The following LMOD3 variants were observed in gnomAD, a reference collection of about 807,000 sequenced individuals.
LMOD3 encodes the protein leiomodin 3.
A neutral mutation model predicts 41.8 loss-of-function variants in LMOD3; 31 were observed. The ratio of observed to expected loss-of-function variants is 0.74; its 90% CI spans 0.56 to 1.00. The LOEUF is 1.00. Among genes scored for constraint, LMOD3 ranks in the 50% least tolerant of loss-of-function variants. The pLI, the probability that LMOD3 is intolerant of heterozygous loss-of-function variation, is 0.00. For synonymous variants in LMOD3, 292 were observed against 241.9 expected, an observed-to-expected ratio of 1.21 and a Z score of -1.92; for missense variants, 755 against 679.5, an observed-to-expected ratio of 1.11 and a Z score of -1.23.
At chr3:69,114,634 A>T (rs2092363189) in intron 2 of LMOD3, among the ~76,000 whole-genome samples, 1 of 150,840 alleles carries the variant, frequency 6.6e-6, no homozygotes, top group Non-Finnish European at 1.5e-5. Context: ...CAGCCTCCCA[A>T]GTAGCTGGGA....
In LMOD3 at chr3:69,119,660, G is replaced by A. The variant is rs2107526596; in HGVS notation, c.695C>T (p.Thr232Ile). 6.2e-7 allele frequency: 1 copy of A among 1,613,890 alleles called. No individual in the cohort carries two copies. The highest frequency in any genetic ancestry group is 8.5e-7 in the Non-Finnish European group (1 of 1,179,880). Residue 232 changes from threonine (T) to isoleucine (I), a missense_variant, in exon 2 of 3, where the codon ACA becomes ATA. Thr to Ile is a moderately conservative substitution (Grantham distance 89). Coordinates refer to ENST00000420581, the MANE Select transcript of LMOD3 (RefSeq NM_198271.5). ...ALDTSFLKVS[T>I]RPSGNQTDLD... ...GTCTGTCTGGTTTCCTGAAGGCCTT[G>A]TACTTACCTTCAAAAAGCTGGTGTC... is the stretch of plus-strand genomic sequence containing the variant.
intron 1 of LMOD3, among the ~76,000 whole-genome samples, chr3:69,121,585 A>C (rs569480447): frequency 6.6e-6 from 1 of 152,340 alleles, no homozygotes; most frequent in African/African-American, 2.4e-5. Flanking sequence ...ACATAGTAAT[A>C]ATATAAGACA....
In LMOD3 at chr3:69,108,500, G is replaced by C. The variant is rs1459790327; in HGVS notation, c.*595C>G. 6.6e-6 allele frequency: 1 copy of C among 152,402 alleles called. No individual in the cohort carries two copies. The highest frequency in any genetic ancestry group is 6.6e-5 in the Admixed American group (1 of 15,254). 9.4% of individuals were successfully genotyped at this position (152,402 alleles called of 1,614,324 possible). A position where few individuals can be genotyped will look rare whatever the true frequency, so the allele number is the denominator to read the frequency against. On this transcript the variant is annotated 3_prime_UTR_variant, in exon 3 of 3. Transcript: ENST00000420581. ...TAGAAAGAATACTCCAAAACACCAA[G>C]GGAGTCACCAAGAGAGAAAGCCAGG... is the stretch of plus-strand genomic sequence containing the variant.
chr3:69,115,977 T>C (rs2092370547), intron 2 of LMOD3, among the ~76,000 whole-genome samples: 1 of 152,200 alleles, frequency 6.6e-6, no homozygotes, highest in Non-Finnish European at 1.5e-5. Context: ...GTATTGCCTC[T>C]TAAAATAGCT....
chr3:69,107,997 G>T lies in LMOD3; in HGVS notation c.*1098C>A, dbSNP rs1434800106. 2 of 152,132 alleles carry T rather than the reference G, an allele frequency of 1.3e-5. No homozygotes were observed. The highest frequency in any genetic ancestry group is 2.9e-5 in the Non-Finnish European group (2 of 68,030). The allele number at this position is 152,132 out of a possible 1,614,324, so 9.4% of individuals were successfully genotyped here. A position where few individuals can be genotyped will look rare whatever the true frequency, so the allele number is the denominator to read the frequency against. On this transcript the variant is annotated 3_prime_UTR_variant, in exon 3 of 3. Coordinates refer to ENST00000420581, the MANE Select transcript of LMOD3 (RefSeq NM_198271.5). ...TTCATTAATGGAGAACAGGAGGGAA[G>T]TCTCTTGGAAGGATTAATGCGAGCA... is the stretch of plus-strand genomic sequence containing the variant.
intron 2 of LMOD3, among the ~76,000 whole-genome samples, chr3:69,114,988 C>T (rs185319144): frequency 6.6e-6 from 1 of 152,274 alleles, no homozygotes; most frequent in East Asian, 1.9e-4. Flanking sequence ...GCCTCAGCCT[C>T]TTGTGTAGCT....
In LMOD3 at chr3:69,119,145, C is replaced by T. The variant is rs760478423; in HGVS notation, c.1210G>A (p.Glu404Lys). The T allele has an allele frequency of 1.2e-6, 2 of 1,613,842 alleles. No individual in the cohort carries two copies. Among genetic ancestry groups the T allele is most frequent in the Admixed American group, 1.7e-5 (1 of 59,996 alleles). The change falls in exon 2 of 3, where the codon GAG becomes AAG. Residue 404 changes from glutamate (E) to lysine (K), a missense_variant. Transcript: ENST00000420581. ...QDKQRQKRQE[E>K]QKQQQLKEQK... ...TCCTTGAGTTGCTGCTGTTTTTGCT[C>T]TTCCTGTCGTTTCTGCCTTTGTTTA...
chr3:69,117,735 G>T (rs114752487), intron 2 of LMOD3, among the ~76,000 whole-genome samples: 1,657 of 151,874 alleles, frequency 0.011, 31 homozygotes, highest in African/African-American at 0.038. Flanking sequence ...CAATACAAAT[G>T]CAATTTCGAA....
In LMOD3 at chr3:69,119,153, C is replaced by G; in HGVS notation, c.1202G>C (p.Arg401Pro). 1 of 1,613,806 alleles carries G rather than the reference C, an allele frequency of 6.2e-7. No individual in the cohort carries two copies. ...TTGCTGCTGTTTTTGCTCTTCCTGT[C>G]GTTTCTGCCTTTGTTTATCCTGATT... ...TRNQDKQRQK[R>P]QEEQKQQQLK... The change falls in exon 2 of 3, where the codon CGA (arginine) becomes CCA (proline). Residue 401 changes from arginine to proline, a missense_variant. Physicochemically the swap from Arg to Pro is moderately radical, Grantham distance 103. Coordinates refer to ENST00000420581, the MANE Select transcript of LMOD3 (RefSeq NM_198271.5).
intron 2 of LMOD3, among the ~76,000 whole-genome samples, chr3:69,115,779 T>C (rs1369953920): frequency 1.3e-5 from 2 of 152,192 alleles, no homozygotes; most frequent in Admixed American, 6.5e-5. Flanking sequence ...ATTTATAGTG[T>C]TTACTGTACT....
At chr3:69,110,520 G>T (rs994605049) in intron 2 of LMOD3, among the ~76,000 whole-genome samples, 1 of 149,190 alleles carries the variant, frequency 6.7e-6, no homozygotes, top group Non-Finnish European at 1.5e-5. Context: ...GTGAGCCACC[G>T]CACCCAGCCA....
chr3:69,116,920 T>C (rs958659967), intron 2 of LMOD3, among the ~76,000 whole-genome samples: 2 of 152,248 alleles, frequency 1.3e-5, no homozygotes, highest in African/African-American at 4.8e-5. Flanking sequence ...ATGCCACCTT[T>C]GGCACAGATT....
intron 2 of LMOD3, among the ~76,000 whole-genome samples, chr3:69,110,422 G>T: frequency 6.6e-6 from 1 of 151,242 alleles, no homozygotes; most frequent in South Asian, 2.1e-4. Flanking sequence ...TAGAGACGGG[G>T]TTTCACCATG....
chr3:69,112,011 G>A (rs1036774398), intron 2 of LMOD3, among the ~76,000 whole-genome samples: 4 of 152,154 alleles, frequency 2.6e-5, no homozygotes, highest in Admixed American at 6.5e-5. Flanking sequence ...AGAAAAGGCA[G>A]GCACACATTT....
intron 2 of LMOD3, among the ~76,000 whole-genome samples, chr3:69,114,249 C>A (rs1453517069): frequency 2.6e-5 from 4 of 152,128 alleles, no homozygotes; most frequent in Non-Finnish European, 5.9e-5. Context: ...ATGTGACATT[C>A]AAAAACTTAC....
Position 69,118,734 on chromosome 3 carries a change from C to T in LMOD3, c.1621G>A (p.Asp541Asn), listed in dbSNP as rs765871892. The change falls in exon 2 of 3, where the codon GAC (aspartate) becomes AAC (asparagine). Residue 541 changes from aspartate to asparagine, a missense_variant. Transcript: ENST00000420581. ...TAGGCGACACTGCTGTGACGAATGT[C>T]GTTTAGCAGCTGATCTCTGGGAGTG... ...EITPRDQLLN[D>N]IRHSSVAYLK... 1.5e-5 allele frequency: 24 copies of T among 1,612,534 alleles called. No homozygotes were observed. The highest frequency in any genetic ancestry group is 3.3e-5 in the South Asian group (3 of 90,956).
intron 1 of LMOD3, among the ~76,000 whole-genome samples, chr3:69,120,866 A>G (rs1042761245): frequency 6.6e-6 from 1 of 152,146 alleles, no homozygotes; most frequent in African/African-American, 2.4e-5. Flanking sequence ...AATAATATGT[A>G]TTAGATTCTT....
At chr3:69,115,258 G>GATC (rs1255513928) in intron 2 of LMOD3, among the ~76,000 whole-genome samples, 1 of 152,084 alleles carries the variant, frequency 6.6e-6, no homozygotes, top group Non-Finnish European at 1.5e-5. Context: ...GAAGCGGAAG[G>GATC]ATCACTTGAG....
rs976307509 is a variant in LMOD3 at position 69,107,428 on chromosome 3, A to G, written c.*1667T>C. ...GCAGGTGCCAATTATTTACTCAGGT[A>G]AAGAAGAGAGAAAAGGCACCAAAGG... is the stretch of plus-strand genomic sequence containing the variant. On this transcript the variant is annotated 3_prime_UTR_variant, in exon 3 of 3. Transcript: ENST00000420581. The G allele has an allele frequency of 4.1e-5, 6 of 146,058 alleles. No individual in the cohort carries two copies. The highest frequency in any genetic ancestry group is 3.4e-4 in the Admixed American group (5 of 14,634). 9.0% of individuals were successfully genotyped at this position (146,058 alleles called of 1,614,324 possible).
Sources: allele counts gnomAD v4.1 joint callset (sites outside exome capture counted in the v4.1 genomes callset), GRCh38; gene constraint gnomAD v4.1.1; transcripts MANE v1.5; gene names NCBI Gene and HGNC (gene_info 2026-07-23, HGNC 2026-07-21).